CDC5L: variants seen among roughly 807,000 people sequenced by gnomAD.
The protein encoded by CDC5L is cell division cycle 5-like protein.
Under a neutral mutation model 104.1 loss-of-function variants are expected in CDC5L, and 18 were observed. The observed-to-expected ratio is 0.17, with a 90% CI of 0.12 to 0.26. The LOEUF (loss-of-function observed/expected upper bound fraction) is 0.26. CDC5L is among the 10% of genes least tolerant of loss of function. CDC5L has a pLI of 1.00. For missense variants in CDC5L, 673 were observed against 956.9 expected (o/e 0.70, Z 3.91); for synonymous variants, 331 against 322.7 (o/e 1.03, Z -0.28).
At chr6:44,421,667 AACAAATAAC>A in intron 9 of CDC5L, among the ~76,000 whole-genome samples, 1 of 152,376 alleles carries the variant, frequency 6.6e-6, no homozygotes, top group East Asian at 1.9e-4. Flanking sequence ...GTACAACAAT[AACAAATAAC>A]ACAAATAAAA....
rs540775756 is a variant in CDC5L, at chr6:44,407,474, G to C, written c.904-970G>C. On this transcript the variant is annotated intron_variant, in intron 7 of 15. Coordinates refer to ENST00000371477, the MANE Select transcript of CDC5L (RefSeq NM_001253.4). ...TCCAAATAGCTGGAACTGTAGGCGT[G>C]CGCCACCATGCCCCGCTAATTTTTG... Among the ~76,000 whole-genome samples the C allele has an allele frequency of 3.9e-5, 6 of 152,184 alleles. No individual in the cohort carries two copies. In the South Asian group the frequency reaches 1.2e-3, roughly 32 times the overall value.
intron 14 of CDC5L, among the ~76,000 whole-genome samples, chr6:44,439,397 C>T (rs952394640): frequency 6.6e-6 from 1 of 151,144 alleles, no homozygotes; most frequent in African/African-American, 2.4e-5. Flanking sequence ...ACTTCCTTCA[C>T]CTCATTTGAA....
intron 9 of CDC5L, among the ~76,000 whole-genome samples, chr6:44,421,902 A>G (rs1792197770): frequency 6.6e-6 from 1 of 152,148 alleles, no homozygotes; most frequent in Admixed American, 6.6e-5. Flanking sequence ...CTTGTCTCTC[A>G]CCTAGATTGT....
chr6:44,408,301 T>C, intron 7 of CDC5L, 143 bp from the exon 8 acceptor site: 1 of 452,574 alleles, frequency 2.2e-6, no homozygotes, highest in East Asian at 3.4e-5. Context: ...ACAGTTTTGC[T>C]GTGTTGCCCA....
intron 7 of CDC5L, among the ~76,000 whole-genome samples, chr6:44,407,272 C>A (rs1398262080): frequency 6.6e-6 from 1 of 151,490 alleles, no homozygotes; most frequent in Non-Finnish European, 1.5e-5. Context: ...CAGCTTATTA[C>A]AGGCTGTATT....
At chr6:44,393,133 A>T (rs1180929331) in intron 3 of CDC5L, among the ~76,000 whole-genome samples, 9 of 150,850 alleles carry the variant, frequency 6.0e-5, no homozygotes, top group Non-Finnish European at 1.0e-4. Context: ...CTAAGAATTA[A>T]CTACTGGAAC....
chr6:44,404,151 A>C (rs1480686902), intron 6 of CDC5L, 124 bp downstream of exon 6: 3 of 634,698 alleles, frequency 4.7e-6, no homozygotes, highest in Non-Finnish European at 7.2e-6. Context: ...TTTTAAAATC[A>C]ATTTTTTTTT....
chr6:44,409,948 T>C (rs1484356112), intron 8 of CDC5L, among the ~76,000 whole-genome samples: 2 of 152,076 alleles, frequency 1.3e-5, no homozygotes, highest in Admixed American at 1.3e-4. Context: ...TAGTTTTTTT[T>C]CATTGATAAG....
rs11572020 is a variant in CDC5L at position 44,425,898 on chromosome 6, G to A, written c.1570-205G>A. On this transcript the variant is annotated intron_variant, in intron 11 of 15. Transcript: ENST00000371477. ...TTTGGAGAATGCTCTAGTAGACATT[G>A]GAAGCTCTTAGTTTCTATTATAATG... 0.016 allele frequency among the ~76,000 whole-genome samples: 2,390 copies of A among 151,834 alleles called. 67 individuals carry two copies. The highest frequency in any genetic ancestry group is 0.054 in the African/African-American group (2,237 of 41,370).
At position 44,446,919 on chromosome 6, in the gene CDC5L, C is replaced by T. The variant is rs894748263; in HGVS notation, c.*208C>T. ...CATTTTAGAGTTTAAATTATTAAGGCTATCATTCTTTTAGTAATGTCATAT... is the reference window on the plus strand; with the variant it reads ...CATTTTAGAGTTTAAATTATTAAGGTTATCATTCTTTTAGTAATGTCATAT... On this transcript the variant is annotated 3_prime_UTR_variant, in exon 16 of 16. Coordinates refer to ENST00000371477, the MANE Select transcript of CDC5L (RefSeq NM_001253.4). 3.7e-5 allele frequency: 13 copies of T among 347,252 alleles called. No individual in the cohort carries two copies. Among genetic ancestry groups the T allele is most frequent in the African/African-American group, 2.3e-4 (11 of 47,396 alleles). 21.5% of individuals were successfully genotyped at this position (347,252 alleles called of 1,614,324 possible). A position where few individuals can be genotyped will look rare whatever the true frequency, so the allele number is the denominator to read the frequency against.
rs922435895 is a variant in CDC5L at position 44,429,015 on chromosome 6, C to CTTT, written c.1894-676_1894-674dup. Among the ~76,000 whole-genome samples, 388 of 95,606 alleles carry CTTT rather than the reference C, an allele frequency of 4.1e-3. 2 individuals carry two copies. Among genetic ancestry groups the CTTT allele is most frequent in the African/African-American group, 5.1e-3 (111 of 21,634 alleles). 62.7% of individuals were successfully genotyped at this position (95,606 alleles called of 152,430 possible). ...TCTCTATGAGCCTTAGTTTCATTAGCTTTTTTTTTTTTTTTTTTTTTTTTG... is the reference window on the plus strand; with the variant it reads ...TCTCTATGAGCCTTAGTTTCATTAGCTTTTTTTTTTTTTTTTTTTTTTTTTTTG... On this transcript the variant is annotated intron_variant, in intron 13 of 15. Transcript: ENST00000371477.
At chr6:44,399,384 A>G (rs921181432) in intron 5 of CDC5L, among the ~76,000 whole-genome samples, 1 of 152,064 alleles carries the variant, frequency 6.6e-6, no homozygotes, top group Non-Finnish European at 1.5e-5. Context: ...ATGTTTTTCA[A>G]TAAATTTTTC....
At chr6:44,423,315 T>A (rs11572008) in intron 10 of CDC5L, among the ~76,000 whole-genome samples, 1 of 152,208 alleles carries the variant, frequency 6.6e-6, no homozygotes, top group Non-Finnish European at 1.5e-5. Flanking sequence ...AATGGATACA[T>A]AAGAATTAAA....
chr6:44,415,574 C>G (rs1471521225), intron 8 of CDC5L, among the ~76,000 whole-genome samples: 1 of 152,102 alleles, frequency 6.6e-6, no homozygotes, highest in Admixed American at 6.5e-5. Context: ...CTTAGTTTCT[C>G]CTTGTGGCAG....
chr6:44,391,492 TCCACCTCGGCCTC>T, intron 2 of CDC5L, among the ~76,000 whole-genome samples: 1 of 152,032 alleles, frequency 6.6e-6, no homozygotes. Context: ...TCGTGATCCA[TCCACCTCGGCCTC>T]CCAGAGTGCT....
intron 7 of CDC5L, among the ~76,000 whole-genome samples, chr6:44,406,941 CAAAA>C (rs200358565): frequency 1.3e-5 from 2 of 150,960 alleles, no homozygotes; most frequent in African/African-American, 2.4e-5. Context: ...CAAAAAAAAA[CAAAA>C]AAAACCCCAC....
intron 5 of CDC5L, among the ~76,000 whole-genome samples, chr6:44,399,060 C>G (rs772424082): frequency 2.0e-5 from 3 of 152,246 alleles, no homozygotes; most frequent in Non-Finnish European, 4.4e-5. Context: ...CTCAAGCAGT[C>G]CTCTGCCTTA....
At chr6:44,443,136 C>T (rs1304884392) in intron 14 of CDC5L, among the ~76,000 whole-genome samples, 4 of 148,760 alleles carry the variant, frequency 2.7e-5, no homozygotes, top group African/African-American at 9.9e-5. Context: ...TTCCTTCCTT[C>T]CTTTTCTTTT....
In CDC5L at chr6:44,395,796, G is replaced by A. The variant is rs1481058130; in HGVS notation, c.440-545G>A. Among the ~76,000 whole-genome samples the A allele has an allele frequency of 3.3e-5, 5 of 152,148 alleles. No individual in the cohort carries two copies. In the South Asian group the frequency reaches 8.3e-4, roughly 25 times the overall value. On this transcript the variant is annotated intron_variant, in intron 4 of 15. Transcript: ENST00000371477. Reference sequence around the variant, plus strand: ...AGTTGGACAGCCTTGCATAGGAATTGTTCTAAGGCATCAATAGTGGCATGT... The same window carrying A: ...AGTTGGACAGCCTTGCATAGGAATTATTCTAAGGCATCAATAGTGGCATGT...
Sources: allele counts gnomAD v4.1 joint callset (sites outside exome capture counted in the v4.1 genomes callset), GRCh38; gene constraint gnomAD v4.1.1; transcripts MANE v1.5; gene names NCBI Gene and HGNC (gene_info 2026-07-23, HGNC 2026-07-21).